Variants in RGS7 observed in about 807,000 individuals in gnomAD.
RGS7 encodes the protein regulator of G-protein signaling 7.
A neutral mutation model predicts 81.1 loss-of-function variants in RGS7; 27 were observed. The observed-to-expected ratio is 0.33, with a 90% CI of 0.25 to 0.46. The LOEUF is 0.46. Among genes scored for constraint, RGS7 ranks in the 20% least tolerant of loss-of-function variants. The pLI, the probability that RGS7 is intolerant of heterozygous loss-of-function variation, is 1.00. For synonymous variants in RGS7, 208 were observed against 207.7 expected, an observed-to-expected ratio of 1.00 and a Z score of -0.01; for missense variants, 396 against 607.4, an observed-to-expected ratio of 0.65 and a Z score of 3.66.
intron 2 of RGS7, among the ~76,000 whole-genome samples, chr1:241,275,217 A>G (rs2078129474): frequency 6.6e-6 from 1 of 152,234 alleles, no homozygotes; most frequent in African/African-American, 2.4e-5. Context: ...AGATGTGGCC[A>G]CAGCCACATA....
intron 9 of RGS7, among the ~76,000 whole-genome samples, chr1:240,846,743 T>C (rs1193603464): frequency 4.6e-5 from 7 of 152,036 alleles, no homozygotes; most frequent in African/African-American, 1.7e-4. Flanking sequence ...ATACCACTTA[T>C]GAGATTAGGA....
intron 2 of RGS7, among the ~76,000 whole-genome samples, chr1:241,320,985 TAAC>T (rs1482560871): frequency 2.6e-5 from 4 of 152,126 alleles, no homozygotes; most frequent in Non-Finnish European, 5.9e-5. Flanking sequence ...GCATAAAAAA[TAAC>T]AAAATCTGCT....
intron 3 of RGS7, among the ~76,000 whole-genome samples, chr1:241,046,977 C>T (rs2060962803): frequency 6.6e-6 from 1 of 152,150 alleles, no homozygotes; most frequent in Non-Finnish European, 1.5e-5. Context: ...GGACCTCCTC[C>T]AAAGGCTTGT....
intron 18 of RGS7, among the ~76,000 whole-genome samples, chr1:240,785,203 TC>T (rs1684857870): frequency 6.6e-6 from 1 of 152,216 alleles, no homozygotes; most frequent in South Asian, 2.1e-4. Flanking sequence ...CTACCTGGGT[TC>T]CGTGGCCTTT....
intron 4 of RGS7, among the ~76,000 whole-genome samples, chr1:240,971,177 C>T (rs1042666242): frequency 6.6e-6 from 1 of 152,062 alleles, no homozygotes; most frequent in Non-Finnish European, 1.5e-5. Flanking sequence ...CCCCTTCTAC[C>T]ATGTGAGGCC....
intron 4 of RGS7, among the ~76,000 whole-genome samples, chr1:240,936,925 C>G (rs539240843): frequency 1.3e-5 from 2 of 152,254 alleles, no homozygotes; most frequent in East Asian, 3.9e-4. Context: ...CAGTCCCAGT[C>G]TGTAACTCAC....
chr1:241,315,465 T>C (rs71648649), intron 2 of RGS7, among the ~76,000 whole-genome samples: 4,468 of 152,248 alleles, frequency 0.029, 85 homozygotes, highest in Non-Finnish European at 0.044. Flanking sequence ...ACCAAGCCAC[T>C]TTCTTGTGGT....
In RGS7 at chr1:241,030,034, C is replaced by T. The variant is rs926619356; in HGVS notation, c.176-46905G>A. ...ATGACGCACAACACATTATAGCTTC[C>T]GTGTTTGCTCAAGATTATTTGATTA... On this transcript the variant is annotated intron_variant, in intron 3 of 18. Transcript: ENST00000440928. 4.6e-5 allele frequency among the ~76,000 whole-genome samples: 7 copies of T among 152,130 alleles called. No homozygotes were observed. The South Asian group carries it at 6.2e-4, about 14-fold the overall frequency.
rs796223260 is a variant in RGS7, at chr1:241,329,478, A to G, written c.78+26221T>C. On this transcript the variant is annotated intron_variant, in intron 2 of 18. Coordinates refer to ENST00000440928, the MANE Select transcript of RGS7 (RefSeq NM_001364886.1). The stretch of plus-strand genomic sequence containing the variant: ...CTTCAGAGATGGGATACCCATCACT[A>G]ATATTAATATTGATGGTAATAAAAC... Among the ~76,000 whole-genome samples the G allele has an allele frequency of 5.9e-5, 9 of 152,256 alleles. 1 individual carries two copies. The highest frequency in any genetic ancestry group is 2.2e-4 in the African/African-American group (9 of 41,538).
intron 2 of RGS7, among the ~76,000 whole-genome samples, chr1:241,299,935 C>CAAAAAAAA (rs35939099): frequency 1.7e-5 from 1 of 58,088 alleles, no homozygotes; most frequent in Non-Finnish European, 3.0e-5. Flanking sequence ...CTCGTTTCTC[C>CAAAAAAAA]AAAAAAAAAA....
At chr1:240,805,834 T>C (rs1688744228) in intron 15 of RGS7, among the ~76,000 whole-genome samples, 2 of 152,172 alleles carry the variant, frequency 1.3e-5, no homozygotes, top group South Asian at 4.1e-4. Flanking sequence ...GGGGTCATCA[T>C]TAGATGGTGT....
intron 3 of RGS7, among the ~76,000 whole-genome samples, chr1:241,069,623 C>T (rs2062307442): frequency 6.6e-6 from 1 of 152,130 alleles, no homozygotes; most frequent in Non-Finnish European, 1.5e-5. Context: ...TCATATGTGG[C>T]TTTTTGTACT....
intron 2 of RGS7, among the ~76,000 whole-genome samples, chr1:241,308,563 A>G (rs939668905): frequency 2.0e-5 from 3 of 152,204 alleles, no homozygotes; most frequent in Non-Finnish European, 2.9e-5. Context: ...AGCTGTGTGA[A>G]TACTTCAGCA....
chr1:241,049,540 G>C (rs964585559), intron 3 of RGS7, among the ~76,000 whole-genome samples: 2 of 152,108 alleles, frequency 1.3e-5, no homozygotes, highest in Non-Finnish European at 2.9e-5. Flanking sequence ...CAGGAGAAAG[G>C]GCTTTCCCCT....
Position 240,868,148 on chromosome 1 carries a change from AAG to A in RGS7, c.609+437_609+438del, listed in dbSNP as rs1491139327. Reference sequence around the variant, plus strand: ...AAAGAAAGAAAGAAAGAAAGAAAGAAAGAAAGAAAGGACGGAGGGAGGGAAGG... The same window carrying A: ...AAAGAAAGAAAGAAAGAAAGAAAGAAAAAGAAAGGACGGAGGGAGGGAAGG... On this transcript the variant is annotated intron_variant, in intron 9 of 18. Coordinates refer to ENST00000440928, the MANE Select transcript of RGS7 (RefSeq NM_001364886.1). This position sits in a 1 kb window ranked among gnomAD's most constrained non-coding sequence, Gnocchi z 5.1. Among the ~76,000 whole-genome samples the A allele has an allele frequency of 1.0e-5, 1 of 99,652 alleles. No individual in the cohort carries two copies. The highest frequency in any genetic ancestry group is 1.9e-5 in the Non-Finnish European group (1 of 52,786). The allele number at this position is 99,652 out of a possible 152,430, so 65.4% of individuals were successfully genotyped here. A position where few individuals can be genotyped will look rare whatever the true frequency, so the allele number is the denominator to read the frequency against.
chr1:240,863,983 C>T (rs966057670), intron 9 of RGS7, among the ~76,000 whole-genome samples: 10 of 152,112 alleles, frequency 6.6e-5, no homozygotes, highest in Admixed American at 1.3e-4. Context: ...CCTGGACCCA[C>T]ACCACCCCCT....
At chr1:241,344,708 G>A (rs1558342148) in intron 2 of RGS7, among the ~76,000 whole-genome samples, 1 of 152,196 alleles carries the variant, frequency 6.6e-6, no homozygotes, top group African/African-American at 2.4e-5. Flanking sequence ...AAGCCTGATT[G>A]AGAACCTATG....
At chr1:240,847,099 T>G (rs1189305379) in intron 9 of RGS7, among the ~76,000 whole-genome samples, 4 of 152,212 alleles carry the variant, frequency 2.6e-5, no homozygotes, top group African/African-American at 7.2e-5. Flanking sequence ...ATACTTAACC[T>G]TCAAACTTCA....
intron 14 of RGS7, among the ~76,000 whole-genome samples, chr1:240,811,556 C>T (rs550220067): frequency 6.6e-6 from 1 of 152,300 alleles, no homozygotes; most frequent in African/African-American, 2.4e-5. Context: ...AGATAGTCAA[C>T]AATGACAAAT....
Sources: gnomAD v4.1 joint callset for allele counts (sites outside exome capture counted in the v4.1 genomes callset) on GRCh38, gnomAD v4.1.1 for gene constraint, Gnocchi (gnomAD v3.1) non-coding constraint, MANE v1.5 for transcripts, NCBI Gene and HGNC (gene_info 2026-07-23, HGNC 2026-07-21) for gene names.